Variants in MCCC1 observed in about 807,000 individuals in gnomAD.
The protein encoded by MCCC1 is methylcrotonyl-CoA carboxylase subunit 1, also known as methylcrotonoyl-CoA carboxylase subunit alpha, mitochondrial.
A neutral mutation model predicts 83.8 loss-of-function variants in MCCC1; 64 were observed. That is an observed-to-expected ratio of 0.76 (90% CI 0.62 to 0.94). The LOEUF (loss-of-function observed/expected upper bound fraction) is 0.94. Ranked by LOEUF, MCCC1 falls within the 40% of genes least tolerant of loss-of-function variation. MCCC1 has a pLI of 0.00. For synonymous variants in MCCC1, 322 were observed against 315.4 expected (o/e 1.02, Z -0.22); for missense variants, 807 against 904.7 (o/e 0.89, Z 1.39).
intron 12 of MCCC1, 127 bp downstream of exon 12, chr3:183,038,899 T>C (rs1393808657): frequency 2.3e-6 from 2 of 856,184 alleles, no homozygotes; most frequent in Non-Finnish European, 2.0e-6. Flanking sequence ...TGTGAAACTA[T>C]TTTGTTTGGG....
At chr3:183,025,630 A>T in intron 15 of MCCC1, 125 bp downstream of exon 15, 1 of 880,664 alleles carries the variant, frequency 1.1e-6, no homozygotes, top group Non-Finnish European at 1.9e-6. Context: ...CAAGCATAAG[A>T]TATTCTCTTA....
intron 9 of MCCC1, among the ~76,000 whole-genome samples, chr3:183,048,974 G>A (rs2108491765): frequency 6.6e-6 from 1 of 152,300 alleles, no homozygotes; most frequent in Middle Eastern, 3.4e-3. Flanking sequence ...ATATTTGGAT[G>A]TTAAACAACA....
At chr3:183,055,440 T>C (rs1310835943) in intron 8 of MCCC1, among the ~76,000 whole-genome samples, 3 of 152,040 alleles carry the variant, frequency 2.0e-5, no homozygotes, top group Admixed American at 6.6e-5. Context: ...TAATATTATA[T>C]ACTTCATCAA....
upstream of MCCC1, among the ~76,000 whole-genome samples, chr3:183,101,231 C>G (rs1039401922): frequency 3.3e-5 from 5 of 152,378 alleles, no homozygotes; most frequent in South Asian, 2.1e-4. Context: ...AGCGCCACCC[C>G]CTGCTCCACG....
intron 1 of MCCC1, among the ~76,000 whole-genome samples, chr3:183,110,425 A>G (rs925439115): frequency 2.9e-5 from 4 of 136,698 alleles, no homozygotes; most frequent in African/African-American, 8.4e-5. Flanking sequence ...ACAGAGTCTC[A>G]CTCTGTCACC....
rs544187174 is a variant in MCCC1, at chr3:183,042,735, A to T, written c.1084-985T>A. ...TTGCCTAGGTTCAAATTTTGTCTCT[A>T]TACTTACTTTGTCATCTAGACAAGT... On this transcript the variant is annotated intron_variant, in intron 10 of 18. Coordinates refer to ENST00000265594, the MANE Select transcript of MCCC1 (RefSeq NM_020166.5). 4.9e-4 allele frequency among the ~76,000 whole-genome samples: 74 copies of T among 152,320 alleles called. No individual in the cohort carries two copies. In the South Asian group the frequency reaches 0.015, roughly 31 times the overall value.
chr3:183,112,216 C>T (rs927718450), intron 1 of MCCC1, among the ~76,000 whole-genome samples: 11 of 152,092 alleles, frequency 7.2e-5, no homozygotes, highest in East Asian at 5.8e-4. Context: ...TGTTGTTCCC[C>T]GTGTCAATTA....
At chr3:183,030,707 A>G (rs10937108) in intron 14 of MCCC1, among the ~76,000 whole-genome samples, 1 of 152,100 alleles carries the variant, frequency 6.6e-6, no homozygotes, top group Non-Finnish European at 1.5e-5. Flanking sequence ...CAGCTTCTCA[A>G]CATACACACT....
intron 4 of MCCC1, among the ~76,000 whole-genome samples, chr3:183,075,051 TGCTTTATTATG>T (rs1421936615): frequency 6.6e-6 from 1 of 152,258 alleles, no homozygotes; most frequent in Admixed American, 6.5e-5. Flanking sequence ...TGTGATCTTA[TGCTTTATTATG>T]GCTGCATAGT....
intron 7 of MCCC1, among the ~76,000 whole-genome samples, chr3:183,059,745 T>C (rs1715686691): frequency 1.3e-5 from 2 of 152,248 alleles, no homozygotes; most frequent in Non-Finnish European, 2.9e-5. Flanking sequence ...TTATTTCTCC[T>C]TCATACTTGA....
intron 1 of MCCC1, 102 bp downstream of exon 1, chr3:183,099,250 C>T: frequency 5.0e-6 from 7 of 1,387,224 alleles, no homozygotes; most frequent in African/African-American, 1.4e-5. Flanking sequence ...TACCGTCCTC[C>T]CCACACCGAC....
intron 7 of MCCC1, 22 bp from the exon 8 acceptor site, chr3:183,057,444 T>G (rs766042231): frequency 6.5e-7 from 1 of 1,540,492 alleles, no homozygotes; most frequent in African/African-American, 1.4e-5. Flanking sequence ...CAAACATGTA[T>G]GTTAATATAT....
chr3:183,021,012 A>G (rs554691189), intron 16 of MCCC1, among the ~76,000 whole-genome samples: 3 of 152,310 alleles, frequency 2.0e-5, no homozygotes, highest in Non-Finnish European at 2.9e-5. Flanking sequence ...GTGAGCCGAG[A>G]TGGCACCACT....
chr3:183,099,316 C>T (rs1718977801), intron 1 of MCCC1, 36 bp downstream of exon 1: 2 of 1,562,876 alleles, frequency 1.3e-6, no homozygotes, highest in Admixed American at 1.8e-5. Context: ...CCCTCGCTCC[C>T]GCCTCTGCCC....
intron 1 of MCCC1, among the ~76,000 whole-genome samples, chr3:183,107,408 C>CAA (rs1274909684): frequency 1.1e-5 from 1 of 89,666 alleles, no homozygotes; most frequent in African/African-American, 4.0e-5. Flanking sequence ...AACTCCATCT[C>CAA]AAAAAAAAAA....
At chr3:183,047,005 G>C (rs1714606692) in intron 9 of MCCC1, among the ~76,000 whole-genome samples, 1 of 152,184 alleles carries the variant, frequency 6.6e-6, no homozygotes, top group Admixed American at 6.5e-5. Flanking sequence ...TCACACTTTT[G>C]TGAGTTTTAC....
At chr3:183,102,136 C>T (rs769726856), upstream of MCCC1, among the ~76,000 whole-genome samples, 55 of 152,056 alleles carry the variant, frequency 3.6e-4, no homozygotes, top group African/African-American at 6.0e-4. Context: ...AGGTGGGCCT[C>T]CCAAACTGCT....
In MCCC1 at chr3:183,111,361, G is replaced by A. The variant is rs142509995; in HGVS notation, c.-102+4113C>T. 3.8e-3 allele frequency among the ~76,000 whole-genome samples: 577 copies of A among 152,094 alleles called. 3 individuals are homozygous for A. The highest frequency in any genetic ancestry group is 0.013 in the African/African-American group (544 of 41,478). On this transcript the variant is annotated intron_variant, in intron 1 of 17. Transcript: ENST00000492597. ...GTCGCTCAGGCTGGAATGCAGTGGCGCAATCTCAGTTCACTGCAACCTCTG... is the reference window on the plus strand; with the variant it reads ...GTCGCTCAGGCTGGAATGCAGTGGCACAATCTCAGTTCACTGCAACCTCTG...
At chr3:183,067,371 G>C (rs772814259) in intron 7 of MCCC1, among the ~76,000 whole-genome samples, 5 of 152,180 alleles carry the variant, frequency 3.3e-5, no homozygotes, top group Non-Finnish European at 7.3e-5. Context: ...ATTCCTTATG[G>C]AAGAGTTATA....
Sources: gnomAD v4.1 joint callset for allele counts (sites outside exome capture counted in the v4.1 genomes callset) on GRCh38, gnomAD v4.1.1 for gene constraint, MANE v1.5 for transcripts, NCBI Gene and HGNC (gene_info 2026-07-23, HGNC 2026-07-21) for gene names.